PTPRK: variants seen among roughly 807,000 people sequenced by gnomAD.
PTPRK encodes receptor-type tyrosine-protein phosphatase kappa.
A neutral mutation model predicts 178.0 loss-of-function variants in PTPRK; 75 were observed. That is an observed-to-expected ratio of 0.42 (90% confidence interval 0.35 to 0.51). The LOEUF is 0.51. Ranked by LOEUF, PTPRK falls within the 20% of genes least tolerant of loss-of-function variation. The pLI is 0.02. For synonymous variants in PTPRK, 637 were observed against 620.6 expected (o/e 1.03, Z -0.39); for missense variants, 1,441 against 1,797.8 (o/e 0.80, Z 3.59).
intron 7 of PTPRK, among the ~76,000 whole-genome samples, chr6:128,176,464 CAAT>C (rs1486004396): frequency 1.3e-5 from 2 of 151,726 alleles, no homozygotes; most frequent in Non-Finnish European, 2.9e-5. Flanking sequence ...GAACATCACT[CAAT>C]GATTTCTAGG....
chr6:128,519,243 AGAG>A lies in PTPRK; in HGVS notation c.100+1013_100+1015del, dbSNP rs1032447983. On this transcript the variant is annotated intron_variant, in intron 1 of 29. Transcript: ENST00000368226. This position sits in a 1 kb window ranked among gnomAD's most constrained non-coding sequence, Gnocchi z 4.3. ...CACCTGGTGAAACTTCAGAGCCCCC[AGAG>A]GAGAGAACGAAAGAAGCAACCAACC... The A allele has an allele frequency of 2.5e-6, 1 of 401,046 alleles. No homozygotes were observed. Among genetic ancestry groups the A allele is most frequent in the Non-Finnish European group, 4.9e-6 (1 of 202,578 alleles). 24.8% of individuals were successfully genotyped at this position (401,046 alleles called of 1,614,324 possible).
intron 7 of PTPRK, among the ~76,000 whole-genome samples, chr6:128,091,123 C>T (rs149087455): frequency 7.0e-4 from 107 of 152,196 alleles, no homozygotes; most frequent in African/African-American, 2.2e-3. Flanking sequence ...ACTCTGGTGG[C>T]CATTTAATTT....
intron 3 of PTPRK, among the ~76,000 whole-genome samples, chr6:128,253,396 T>TA (rs1267945615): frequency 6.6e-6 from 1 of 151,998 alleles, no homozygotes; most frequent in East Asian, 1.9e-4. Flanking sequence ...AAGCAAAGAG[T>TA]AGCAGAAAAT....
At chr6:128,199,690 A>G (rs1207553615) in intron 6 of PTPRK, among the ~76,000 whole-genome samples, 1 of 152,124 alleles carries the variant, frequency 6.6e-6, no homozygotes, top group Non-Finnish European at 1.5e-5. Context: ...AAGGGCCACT[A>G]AGTAGAAGTG....
intron 2 of PTPRK, among the ~76,000 whole-genome samples, chr6:128,347,408 C>T (rs989241537): frequency 6.6e-6 from 1 of 152,156 alleles, no homozygotes; most frequent in African/African-American, 2.4e-5. Flanking sequence ...AAAGAACTGA[C>T]TAAATTAATT....
At chr6:128,144,771 A>G (rs1307052841) in intron 7 of PTPRK, among the ~76,000 whole-genome samples, 3 of 152,216 alleles carry the variant, frequency 2.0e-5, no homozygotes, top group East Asian at 3.8e-4. Context: ...ATTTAATAGT[A>G]CTGAATAAAT....
At chr6:128,319,236 C>T (rs986286542) in intron 3 of PTPRK, among the ~76,000 whole-genome samples, 2 of 152,062 alleles carry the variant, frequency 1.3e-5, no homozygotes, top group African/African-American at 2.4e-5. Context: ...TTTTGCTTTC[C>T]CCACTGCATT....
intron 1 of PTPRK, among the ~76,000 whole-genome samples, chr6:128,486,263 T>C (rs1437074563): frequency 2.0e-5 from 3 of 152,312 alleles, no homozygotes; most frequent in Admixed American, 1.3e-4. Flanking sequence ...TATTACTTAA[T>C]AACATAGTTC....
intron 13 of PTPRK, among the ~76,000 whole-genome samples, chr6:128,045,283 T>C (rs1193084588): frequency 2.0e-5 from 3 of 152,056 alleles, no homozygotes; most frequent in Non-Finnish European, 2.9e-5. Context: ...GACCATAAAC[T>C]TCTTGAAGTC....
intron 13 of PTPRK, among the ~76,000 whole-genome samples, chr6:128,017,810 A>ATATATG (rs1220170653): frequency 9.0e-6 from 1 of 111,614 alleles, no homozygotes; most frequent in Non-Finnish European, 1.7e-5. Context: ...GTGTATATAT[A>ATATATG]TATATATATA....
At chr6:128,149,298 A>G (rs1228090876) in intron 7 of PTPRK, among the ~76,000 whole-genome samples, 4 of 150,332 alleles carry the variant, frequency 2.7e-5, no homozygotes, top group African/African-American at 9.9e-5. Flanking sequence ...AACTTAAAGT[A>G]TAATAATAAT....
intron 1 of PTPRK, among the ~76,000 whole-genome samples, chr6:128,464,548 C>A (rs1439833322): frequency 1.4e-5 from 2 of 146,356 alleles, no homozygotes; most frequent in African/African-American, 5.0e-5. Context: ...GAATTTTTAA[C>A]ATGTTATTAT....
rs189324999 is a variant in PTPRK at position 128,012,615 on chromosome 6, A to G, written c.2195-3347T>C. Among the ~76,000 whole-genome samples, 480 of 151,492 alleles carry G rather than the reference A, an allele frequency of 3.2e-3. 1 individual carries two copies. Among genetic ancestry groups the G allele is most frequent in the Non-Finnish European group, 4.6e-3 (314 of 67,538 alleles). On this transcript the variant is annotated intron_variant, in intron 13 of 29. Transcript: ENST00000368226. ...CAACGAGAAAAAAAACTAAGGCACA[A>G]TTTTATTTTTATTGAGCAAATTTCT...
At chr6:128,085,621 A>G (rs1785645566) in intron 8 of PTPRK, among the ~76,000 whole-genome samples, 1 of 152,242 alleles carries the variant, frequency 6.6e-6, no homozygotes. Context: ...ACATCGTTCA[A>G]TAATAGGGAT....
At chr6:128,365,494 C>A (rs1835354404) in intron 2 of PTPRK, among the ~76,000 whole-genome samples, 1 of 151,904 alleles carries the variant, frequency 6.6e-6, no homozygotes, top group African/African-American at 2.4e-5. Context: ...TTATAAAATG[C>A]CTTCTGAAGT....
intron 12 of PTPRK, among the ~76,000 whole-genome samples, chr6:128,066,941 G>A (rs2114938784): frequency 6.6e-6 from 1 of 152,254 alleles, no homozygotes; most frequent in East Asian, 1.9e-4. Flanking sequence ...GAAACAGAGA[G>A]CAGCCTTCTG....
chr6:128,261,250 G>A (rs1818131802), intron 3 of PTPRK, among the ~76,000 whole-genome samples: 2 of 152,222 alleles, frequency 1.3e-5, no homozygotes, highest in African/African-American at 4.8e-5. Context: ...GATTAAAGAT[G>A]TAAAAGCAGA....
chr6:128,217,469 G>A lies in PTPRK; in HGVS notation c.868+1453C>T, dbSNP rs1156920795. Among the ~76,000 whole-genome samples the A allele has an allele frequency of 1.3e-4, 20 of 152,136 alleles. 2 individuals carry two copies. On this transcript the variant is annotated intron_variant, in intron 6 of 29. Transcript: ENST00000368226. ...TGGAAAAGAATGAGCTCACCATTAA[G>A]AATCAAGAAACAATGGGTTCTATTC...
At chr6:128,281,316 A>C (rs1821636407) in intron 3 of PTPRK, among the ~76,000 whole-genome samples, 1 of 152,176 alleles carries the variant, frequency 6.6e-6, no homozygotes, top group South Asian at 2.1e-4. Context: ...TAAAGAAAAC[A>C]ATTTTTAGGT....
Sources: gnomAD v4.1 joint callset for allele counts (sites outside exome capture counted in the v4.1 genomes callset) on GRCh38, gnomAD v4.1.1 for gene constraint, Gnocchi (gnomAD v3.1) non-coding constraint, MANE v1.5 for transcripts, NCBI Gene and HGNC (gene_info 2026-07-23, HGNC 2026-07-21) for gene names.